Variants in ULK2 observed in about 807,000 individuals in gnomAD.
The protein encoded by ULK2 is serine/threonine-protein kinase ULK2.
ULK2 carries 76 observed loss-of-function variants against 127.5 expected under a neutral mutation model. The ratio of observed to expected loss-of-function variants is 0.60; its 90% CI spans 0.50 to 0.72. ULK2 has a LOEUF of 0.72. Ranked by LOEUF, ULK2 falls within the 30% of genes least tolerant of loss-of-function variation. The pLI, the probability that ULK2 is intolerant of heterozygous loss-of-function variation, is 0.00. For synonymous variants in ULK2, 452 were observed against 461.9 expected, an observed-to-expected ratio of 0.98 and a Z score of 0.28; for missense variants, 1,144 against 1,295.9, an observed-to-expected ratio of 0.88 and a Z score of 1.80.
chr17:19,795,838 G>A (rs2087256993), intron 19 of ULK2, 113 bp from the exon 20 acceptor site: 1 of 1,055,018 alleles, frequency 9.5e-7, no homozygotes, highest in Non-Finnish European at 1.4e-6. Flanking sequence ...AACAATTCAG[G>A]GTAGAGATAA....
intron 3 of ULK2, chr17:19,855,787 T>G (rs150906215): frequency 6.6e-6 from 1 of 152,218 alleles, no homozygotes; most frequent in Non-Finnish European, 1.5e-5. Context: ...CTCACTAATC[T>G]GTCCAGGCCT....
intron 1 of ULK2, among the ~76,000 whole-genome samples, chr17:19,866,336 CTAAAAA>C (rs2042350449): frequency 6.7e-6 from 1 of 149,852 alleles, no homozygotes; most frequent in Admixed American, 6.7e-5. Flanking sequence ...CCCATCTCTA[CTAAAAA>C]TACAAAAAAA....
chr17:19,830,520 G>C (rs1043071337), intron 10 of ULK2, among the ~76,000 whole-genome samples: 33 of 151,144 alleles, frequency 2.2e-4, no homozygotes, highest in African/African-American at 7.5e-4. Flanking sequence ...TTAAAAGATT[G>C]TAATCACGGT....
At position 19,798,157 on chromosome 17, in the gene ULK2, T is replaced by C. The variant is rs2087315471; in HGVS notation, c.1523-475A>G. 3.9e-5 allele frequency among the ~76,000 whole-genome samples: 6 copies of C among 152,036 alleles called. No individual in the cohort carries two copies. The South Asian group carries it at 1.2e-3, about 32-fold the overall frequency. The stretch of plus-strand genomic sequence containing the variant: ...TAACTCCTTATTCAAAAAAACAAAA[T>C]AAACAAATATATATAACGTGTAGGA... On this transcript the variant is annotated intron_variant, in intron 17 of 26. Transcript: ENST00000395544.
At chr17:19,816,291 A>G (rs938869243) in intron 13 of ULK2, among the ~76,000 whole-genome samples, 26 of 152,074 alleles carry the variant, frequency 1.7e-4, no homozygotes, top group African/African-American at 6.3e-4. Context: ...CACTGGCTCT[A>G]TTTAGTCACT....
At chr17:19,840,336 G>T in intron 9 of ULK2, 1 of 522,574 alleles carries the variant, frequency 1.9e-6, no homozygotes. Flanking sequence ...TTGGACCTAT[G>T]CAAGATCAGC....
rs572539671 is a variant in ULK2 at position 19,786,164 on chromosome 17, T to C, written c.2102-78A>G. Reference sequence around the variant, plus strand: ...GGGAGATGGGATTGCAGGGGGATACTGACTTTTATATCAGGAGTCTAGTGG... The same window carrying C: ...GGGAGATGGGATTGCAGGGGGATACCGACTTTTATATCAGGAGTCTAGTGG... On this transcript the variant is annotated intron_variant, in intron 20 of 26. Coordinates refer to ENST00000395544, the MANE Select transcript of ULK2 (RefSeq NM_014683.4). The C allele has an allele frequency of 7.8e-6, 11 of 1,407,232 alleles. No homozygotes were observed. The East Asian group carries it at 3.0e-4, about 38-fold the overall frequency. 87.2% of individuals were successfully genotyped at this position (1,407,232 alleles called of 1,614,324 possible).
intron 8 of ULK2, 91 bp from the exon 9 acceptor site, chr17:19,841,638 GAT>G: frequency 1.0e-6 from 1 of 975,010 alleles, no homozygotes; most frequent in Non-Finnish European, 1.5e-6. Flanking sequence ...TTTTTTAAGG[GAT>G]TGAGGGAGTG....
chr17:19,799,699 A>T (rs1428447624), intron 16 of ULK2, 124 bp from the exon 17 acceptor site: 2 of 889,804 alleles, frequency 2.2e-6, no homozygotes, highest in Admixed American at 3.6e-5. Flanking sequence ...AATTTTAAGT[A>T]ACAAACGTTT....
rs562992704 is a variant in ULK2, at chr17:19,826,588, T to C, written c.788-402A>G. ...AGCTGTTAATTGTCCTAAGAGGAAA[T>C]TGATACAGCTGATTTATACAACAAA... On this transcript the variant is annotated intron_variant, in intron 10 of 26. Transcript: ENST00000395544. Among the ~76,000 whole-genome samples the C allele has an allele frequency of 1.2e-4, 19 of 152,260 alleles. No individual in the cohort carries two copies. The East Asian group carries it at 2.5e-3, about 20-fold the overall frequency.
At chr17:19,803,469 A>C (rs2087444469) in intron 15 of ULK2, among the ~76,000 whole-genome samples, 2 of 152,226 alleles carry the variant, frequency 1.3e-5, no homozygotes, top group African/African-American at 4.8e-5. Context: ...CTATCAGTGC[A>C]TGTATCAATG....
intron 13 of ULK2, among the ~76,000 whole-genome samples, chr17:19,811,889 A>G (rs188822915): frequency 6.6e-6 from 1 of 152,210 alleles, no homozygotes; most frequent in African/African-American, 2.4e-5. Flanking sequence ...ATTTTAAGTA[A>G]TATTCATAGA....
intron 12 of ULK2, among the ~76,000 whole-genome samples, chr17:19,819,707 G>A (rs1188305747): frequency 6.6e-6 from 1 of 152,068 alleles, no homozygotes; most frequent in Non-Finnish European, 1.5e-5. Flanking sequence ...CTTGCCAGCC[G>A]GCCATTGTCA....
In ULK2 at chr17:19,864,798, G is replaced by T; in HGVS notation, c.225+5C>A. On this transcript the variant is annotated splice_donor_5th_base_variant and intron_variant, in intron 3 of 26. Transcript: ENST00000395544. ...TAATTTTTAAAAATTTTCAAAATAA[G>T]GTACCTGAACATCATAGAGTGCTAC... is the stretch of plus-strand genomic sequence containing the variant. The T allele has an allele frequency of 1.6e-6, 2 of 1,272,038 alleles. No individual in the cohort carries two copies. The highest frequency in any genetic ancestry group is 2.4e-5 in the South Asian group (1 of 40,938). 78.8% of individuals were successfully genotyped at this position (1,272,038 alleles called of 1,614,324 possible). A position where few individuals can be genotyped will look rare whatever the true frequency, so the allele number is the denominator to read the frequency against.
Position 19,781,752 on chromosome 17 carries a change from T to A in ULK2, c.2639+137A>T, listed in dbSNP as rs1597705183. On this transcript the variant is annotated intron_variant, in intron 23 of 26. Transcript: ENST00000395544. Reference sequence around the variant, plus strand: ...AGGTCTTGGCTCATATAGTGAAATGTAGTACAAAGAAATAATTGAGACTCC... The same window carrying A: ...AGGTCTTGGCTCATATAGTGAAATGAAGTACAAAGAAATAATTGAGACTCC... The A allele has an allele frequency of 4.1e-6, 4 of 983,000 alleles. No individual in the cohort carries two copies. The Middle Eastern group carries it at 9.9e-4, about 244-fold the overall frequency. The allele number at this position is 983,000 out of a possible 1,614,324, so 60.9% of individuals were successfully genotyped here.
chr17:19,779,748 C>T (rs1227489408), intron 25 of ULK2, among the ~76,000 whole-genome samples: 4 of 151,932 alleles, frequency 2.6e-5, no homozygotes, highest in Non-Finnish European at 4.4e-5. Context: ...TAAGTGGGAC[C>T]TGAGCACATA....
In ULK2 at chr17:19,785,943, T is replaced by C; in HGVS notation, c.2245A>G (p.Thr749Ala). 1 of 1,593,850 alleles carries C rather than the reference T, an allele frequency of 6.3e-7. No homozygotes were observed. The highest frequency in any genetic ancestry group is 8.5e-7 in the Non-Finnish European group (1 of 1,171,912). ...CTHMFLRTRT[T>A]SVGPSNSGGS... ...TATAACAAATGCTCCTTACCTGAGG[T>C]TGTTCTTGTTCGAAGGAACATGTGG... Residue 749 changes from threonine to alanine, a missense_variant, in exon 21 of 27, where the codon ACC (threonine) becomes GCC (alanine). Transcript: ENST00000395544.
intron 22 of ULK2, 107 bp from the exon 23 acceptor site, chr17:19,782,174 T>C: frequency 8.7e-7 from 1 of 1,152,388 alleles, no homozygotes; most frequent in East Asian, 2.6e-5. Context: ...TACTTATGAG[T>C]ATCAGAATGA....
At chr17:19,796,390 T>C (rs2087273621) in intron 18 of ULK2, 108 bp from the exon 19 acceptor site, 1 of 1,047,168 alleles carries the variant, frequency 9.5e-7, no homozygotes, top group Non-Finnish European at 1.3e-6. Context: ...ATGTAGGAGA[T>C]AGGTCGGGTG....
Sources: allele counts gnomAD v4.1 joint callset (sites outside exome capture counted in the v4.1 genomes callset), GRCh38; gene constraint gnomAD v4.1.1; transcripts MANE v1.5; gene names NCBI Gene and HGNC (gene_info 2026-07-23, HGNC 2026-07-21).